Variants in TRMT44 observed in about 807,000 individuals in gnomAD.
TRMT44 encodes tRNA methyltransferase 44 homolog, also known as probable tRNA (uracil-O(2)-)-methyltransferase.
In TRMT44, 78 loss-of-function variants were observed where a neutral mutation model predicts 77.3. That is an observed-to-expected ratio of 1.01 (90% CI 0.84 to 1.22). The LOEUF is 1.22. Ranked by LOEUF, TRMT44 falls within the 50% of genes most tolerant of loss-of-function variation. The probability of loss-of-function intolerance (pLI) is 0.00; values close to 1 mark genes in which losing one functional copy is unlikely to be tolerated. For synonymous variants in TRMT44, 391 were observed against 383.3 expected (o/e 1.02, Z -0.23); for missense variants, 1,090 against 964.4 (o/e 1.13, Z -1.73).
the TRMT44 span, among the ~76,000 whole-genome samples, chr4:8,502,205 T>C: frequency 6.6e-6 from 1 of 152,128 alleles, no homozygotes; most frequent in African/African-American, 2.4e-5. Flanking sequence ...CAGGAATGAC[T>C]CCAGAAACTG....
At chr4:8,464,407 A>G in intron 7 of TRMT44, among the ~76,000 whole-genome samples, 1 of 152,192 alleles carries the variant, frequency 6.6e-6, no homozygotes, top group East Asian at 1.9e-4. Context: ...GTGTCAAAAG[A>G]GGTGTCCTTT....
chr4:8,459,361 C>G (rs1342738002), intron 6 of TRMT44, among the ~76,000 whole-genome samples: 1 of 152,202 alleles, frequency 6.6e-6, no homozygotes, highest in East Asian at 1.9e-4. Context: ...TGTACAGTAA[C>G]TTACCATAAT....
At chr4:8,494,309 C>T (rs1449780179), downstream of TRMT44, among the ~76,000 whole-genome samples, 3 of 152,070 alleles carry the variant, frequency 2.0e-5, no homozygotes, top group Admixed American at 1.3e-4. Context: ...TAAATTTCAC[C>T]CTCACAATGT....
At position 8,476,481 on chromosome 4, in the gene TRMT44, A is replaced by T. The variant is rs1041207931; in HGVS notation, c.*480A>T. On this transcript the variant is annotated 3_prime_UTR_variant, in exon 11 of 11. Transcript: ENST00000389737. ...AGGGATCCACCAGATTGGTATTTTT[A>T]AAAAAGGTGTCAGGCTTGCTATGTT... 3.1e-5 allele frequency: 5 copies of T among 162,204 alleles called. No homozygotes were observed. Among genetic ancestry groups the T allele is most frequent in the Non-Finnish European group, 6.8e-5 (5 of 73,654 alleles). 10.0% of individuals were successfully genotyped at this position (162,204 alleles called of 1,614,324 possible).
At chr4:8,494,506 A>G (rs759844508), downstream of TRMT44, among the ~76,000 whole-genome samples, 2 of 152,184 alleles carry the variant, frequency 1.3e-5, no homozygotes, top group African/African-American at 2.4e-5. Context: ...CGAGGACTCA[A>G]AAGAACACAA....
At chr4:8,456,398 T>C (rs974931762) in intron 6 of TRMT44, among the ~76,000 whole-genome samples, 3 of 152,246 alleles carry the variant, frequency 2.0e-5, no homozygotes, top group Admixed American at 6.5e-5. Context: ...CCACTGGTGA[T>C]GCTGGAAGTC....
chr4:8,470,938 G>A (rs1726948290), intron 9 of TRMT44, 146 bp from the exon 10 acceptor site: 1 of 633,126 alleles, frequency 1.6e-6, no homozygotes, highest in African/African-American at 1.9e-5. Flanking sequence ...GTGTGGTGTG[G>A]GTTAGGTGAG....
intron 1 of TRMT44, among the ~76,000 whole-genome samples, chr4:8,445,662 ACT>A (rs1449494050): frequency 2.0e-5 from 3 of 152,096 alleles, no homozygotes; most frequent in African/African-American, 7.2e-5. Flanking sequence ...ATAGCAGTAG[ACT>A]CTGATTGTTA....
At chr4:8,441,655 A>G (rs1724711823) in intron 1 of TRMT44, among the ~76,000 whole-genome samples, 1 of 152,188 alleles carries the variant, frequency 6.6e-6, no homozygotes, top group Non-Finnish European at 1.5e-5. Context: ...GAAGGCTTCA[A>G]AGAGACAGTG....
chr4:8,492,502 T>A (rs990486753), intron 2 of TRMT44, among the ~76,000 whole-genome samples: 2 of 152,194 alleles, frequency 1.3e-5, no homozygotes, highest in Non-Finnish European at 2.9e-5. Flanking sequence ...CTCAACCTAC[T>A]TTGGGAGGAA....
At chr4:8,460,810 C>G (rs1233824383) in intron 6 of TRMT44, among the ~76,000 whole-genome samples, 1 of 152,086 alleles carries the variant, frequency 6.6e-6, no homozygotes, top group Non-Finnish European at 1.5e-5. Flanking sequence ...CTCGGCCTCC[C>G]AAAGTGCTGG....
At position 8,464,506 on chromosome 4, in the gene TRMT44, G is replaced by A. The variant is rs564282772; in HGVS notation, c.1310+415G>A. ...ACCCTCTGCAGCCACAGTTGCCTCC[G>A]CACGGGGAGCTGTGTGTGTCCGAGA... On this transcript the variant is annotated intron_variant, in intron 7 of 10. Transcript: ENST00000389737. Among the ~76,000 whole-genome samples the A allele has an allele frequency of 5.9e-5, 9 of 152,326 alleles. No individual in the cohort carries two copies. In the South Asian group the frequency reaches 6.2e-4, roughly 11 times the overall value.
chr4:8,497,093 TG>T (rs1206730721), downstream of TRMT44, among the ~76,000 whole-genome samples: 3 of 151,832 alleles, frequency 2.0e-5, no homozygotes, highest in Non-Finnish European at 4.4e-5. Flanking sequence ...AAGATAATGC[TG>T]TCTGAAAAGC....
At chr4:8,491,862 G>A (rs552063857) in intron 2 of TRMT44, among the ~76,000 whole-genome samples, 88 of 152,366 alleles carry the variant, frequency 5.8e-4, no homozygotes, top group African/African-American at 2.0e-3. Flanking sequence ...CTCCCACAGT[G>A]CAGCGGTGGG....
intron 9 of TRMT44, 121 bp from the exon 10 acceptor site, chr4:8,470,963 C>T (rs527944000): frequency 1.9e-5 from 13 of 671,942 alleles, no homozygotes; most frequent in Non-Finnish European, 2.9e-5. Flanking sequence ...AATCGTCCTT[C>T]GTGCTGGAGT....
At position 8,441,116 on chromosome 4, in the gene TRMT44, C is replaced by A. The variant is rs759257986; in HGVS notation, c.294C>A (p.Cys98Ter). The change falls in exon 1 of 11, where the codon TGC becomes TGA. Residue 98 changes from cysteine to a stop codon, truncating the protein, a stop_gained. Coordinates refer to ENST00000389737, the MANE Select transcript of TRMT44 (RefSeq NM_152544.3). LOFTEE classifies it high-confidence loss of function. ...LSGPEQGTAC[C>*]ELEEAQGQCQ... ...GACCCGAGCAGGGCACGGCATGTTG[C>A]GAACTTGAGGAGGCCCAGGGCCAGT... is the stretch of plus-strand genomic sequence containing the variant. 933 of 1,516,882 alleles carry A rather than the reference C, an allele frequency of 6.2e-4. 2 individuals carry two copies. Among genetic ancestry groups the A allele is most frequent in the Non-Finnish European group, 7.5e-4 (848 of 1,135,210 alleles). 94.0% of individuals were successfully genotyped at this position (1,516,882 alleles called of 1,614,324 possible).
At chr4:8,497,751 C>T (rs940139520), downstream of TRMT44, among the ~76,000 whole-genome samples, 2 of 152,244 alleles carry the variant, frequency 1.3e-5, no homozygotes, top group South Asian at 2.1e-4. Flanking sequence ...AAACAATCCT[C>T]CTGTTCTCCA....
At chr4:8,480,520 G>C (rs1470925499), downstream of TRMT44, among the ~76,000 whole-genome samples, 16 of 152,260 alleles carry the variant, frequency 1.1e-4, no homozygotes, top group East Asian at 2.9e-3. Context: ...GCCCCCAGAA[G>C]GTCATACTCT....
rs754438742 is a variant in TRMT44, at chr4:8,451,788, T to C, written c.955-172T>C. Among the ~76,000 whole-genome samples, 10 of 152,252 alleles carry C rather than the reference T, an allele frequency of 6.6e-5. No individual in the cohort carries two copies. Among genetic ancestry groups the C allele is most frequent in the Non-Finnish European group, 1.0e-4 (7 of 68,044 alleles). On this transcript the variant is annotated intron_variant, in intron 3 of 10. Transcript: ENST00000389737. The surrounding 1 kb of genome is among the most constrained non-coding windows in gnomAD (Gnocchi z 4.1). ...TCTTGGCATGCCTTGTTTCTTTATG[T>C]AAATCTTTTATTGTAAGAAACCAGT... is the stretch of plus-strand genomic sequence containing the variant.
Sources: gnomAD v4.1 joint callset for allele counts (sites outside exome capture counted in the v4.1 genomes callset) on GRCh38, gnomAD v4.1.1 for gene constraint, Gnocchi (gnomAD v3.1) non-coding constraint, MANE v1.5 for transcripts, NCBI Gene and HGNC (gene_info 2026-07-23, HGNC 2026-07-21) for gene names.